Variants in NSUN7 observed in about 807,000 individuals in gnomAD.
The protein encoded by NSUN7 is protein NSUN7.
Under a neutral mutation model 58.5 loss-of-function variants are expected in NSUN7, and 39 were observed. The ratio of observed to expected loss-of-function variants is 0.67; its 90% CI spans 0.52 to 0.87. The LOEUF (loss-of-function observed/expected upper bound fraction) is 0.87. NSUN7 is among the 40% of genes least tolerant of loss of function. The pLI is 0.00. For missense variants in NSUN7, 765 were observed against 844.1 expected (o/e 0.91, Z 1.16); for synonymous variants, 278 against 303.7 (o/e 0.92, Z 0.88).
intron 9 of NSUN7, among the ~76,000 whole-genome samples, chr4:40,797,234 TG>T (rs1743359712): frequency 6.6e-6 from 1 of 152,188 alleles, no homozygotes; most frequent in Non-Finnish European, 1.5e-5. Context: ...GTCCATGCCT[TG>T]GATCTTTTTT....
At chr4:40,790,508 G>T in intron 7 of NSUN7, 94 bp from the exon 8 acceptor site, 1 of 781,778 alleles carries the variant, frequency 1.3e-6, no homozygotes, top group Non-Finnish European at 1.9e-6. Context: ...TGAGGTTGAG[G>T]ATTTTAAAAT....
At chr4:40,780,282 A>AAATCAATCAATC (rs76768481) in intron 7 of NSUN7, among the ~76,000 whole-genome samples, 1 of 150,308 alleles carries the variant, frequency 6.7e-6, no homozygotes, top group Non-Finnish European at 1.5e-5. Flanking sequence ...TCCGTCTCAT[A>AAATCAATCAATC]AATCAATCAA....
At chr4:40,753,254 A>G (rs1740925913) in intron 2 of NSUN7, among the ~76,000 whole-genome samples, 1 of 151,780 alleles carries the variant, frequency 6.6e-6, no homozygotes, top group South Asian at 2.1e-4. Context: ...CTATTTTATG[A>G]AAGATCTTGT....
chr4:40,800,440 A>G (rs987313193), intron 10 of NSUN7, among the ~76,000 whole-genome samples: 1 of 152,108 alleles, frequency 6.6e-6, no homozygotes, highest in Non-Finnish European at 1.5e-5. Context: ...CCTGGGTTCA[A>G]GCAGTTCTCT....
intron 7 of NSUN7, among the ~76,000 whole-genome samples, chr4:40,777,605 C>T (rs926613174): frequency 1.3e-5 from 2 of 152,190 alleles, no homozygotes; most frequent in Non-Finnish European, 2.9e-5. Context: ...CGTGAGCCAC[C>T]GCACCCGGCC....
chr4:40,782,001 A>AT (rs1742586924), intron 7 of NSUN7, among the ~76,000 whole-genome samples: 1 of 152,212 alleles, frequency 6.6e-6, no homozygotes, highest in African/African-American at 2.4e-5. Flanking sequence ...GTCCTAAAAT[A>AT]TATAGAGAGT....
chr4:40,795,369 T>C (rs1259477790), intron 9 of NSUN7, among the ~76,000 whole-genome samples: 1 of 152,184 alleles, frequency 6.6e-6, no homozygotes, highest in African/African-American at 2.4e-5. Context: ...TTAGTTCATA[T>C]TGCTAATAAA....
At position 40,790,908 on chromosome 4, in the gene NSUN7, A is replaced by G. The variant is rs75891120; in HGVS notation, c.1180+163A>G. 3.2e-3 allele frequency among the ~76,000 whole-genome samples: 495 copies of G among 152,344 alleles called. 3 individuals carry two copies. The highest frequency in any genetic ancestry group is 0.011 in the African/African-American group (478 of 41,580). On this transcript the variant is annotated intron_variant, in intron 8 of 11. Coordinates refer to ENST00000381782, the MANE Select transcript of NSUN7 (RefSeq NM_024677.6). ...TAAAGTCCTTTACCTCTGTTACCTC[A>G]TTTAATCCTTACACCAATCCAATAG...
intron 10 of NSUN7, among the ~76,000 whole-genome samples, chr4:40,801,171 T>C (rs1041080576): frequency 5.3e-5 from 8 of 152,174 alleles, no homozygotes; most frequent in African/African-American, 1.7e-4. Context: ...ATTCCTGAGT[T>C]GTCCCTTTGT....
At position 40,794,373 on chromosome 4, in the gene NSUN7, A is replaced by G; in HGVS notation, c.1181-2A>G. 4 of 1,574,572 alleles carry G rather than the reference A, an allele frequency of 2.5e-6. No individual in the cohort carries two copies. Among genetic ancestry groups the G allele is most frequent in the African/African-American group, 1.4e-5 (1 of 74,046 alleles). ...TTAAAAGCATTTCTTTTTAAAATTC[A>G]GATACAGAATTCCTTAAAGATCACT... On this transcript the variant is annotated splice_acceptor_variant, in intron 8 of 11. Transcript: ENST00000381782. LOFTEE classifies it high-confidence loss of function.
intron 7 of NSUN7, chr4:40,786,671 T>G: frequency 6.3e-7 from 1 of 1,580,902 alleles, no homozygotes; most frequent in Non-Finnish European, 8.6e-7. Flanking sequence ...GATATGATCA[T>G]TAAAAGAAGA....
At chr4:40,755,245 A>T (rs1053428130) in intron 2 of NSUN7, among the ~76,000 whole-genome samples, 1 of 152,114 alleles carries the variant, frequency 6.6e-6, no homozygotes, top group Non-Finnish European at 1.5e-5. Context: ...ACATGCCATC[A>T]CGCCCGGCTA....
intron 2 of NSUN7, among the ~76,000 whole-genome samples, chr4:40,754,331 G>C (rs1379841766): frequency 6.6e-6 from 1 of 152,070 alleles, no homozygotes; most frequent in Non-Finnish European, 1.5e-5. Context: ...ATTTTTAGTA[G>C]AGATGGGAGT....
At chr4:40,797,906 C>G (rs957756665) in intron 9 of NSUN7, among the ~76,000 whole-genome samples, 21 of 152,198 alleles carry the variant, frequency 1.4e-4, no homozygotes, top group Non-Finnish European at 2.6e-4. Flanking sequence ...AAACCGGCCC[C>G]TTCACTTTCC....
At chr4:40,774,462 T>G (rs910384208) in intron 5 of NSUN7, 45 bp downstream of exon 5, 2 of 1,570,422 alleles carry the variant, frequency 1.3e-6, no homozygotes, top group Non-Finnish European at 1.7e-6. Flanking sequence ...TCTCCATCCT[T>G]TTAAAATAAT....
chr4:40,798,771 T>A lies in NSUN7; in HGVS notation c.1283-16T>A, dbSNP rs1414582955. ...TAATATAGTTGTTACAGTCATTGCA[T>A]CTTCTTCTAATATAGTTACTAAAGC... On this transcript the variant is annotated splice_polypyrimidine_tract_variant and intron_variant, in intron 9 of 11. Transcript: ENST00000381782. 4.2e-6 allele frequency: 6 copies of A among 1,435,320 alleles called. No homozygotes were observed. Among genetic ancestry groups the A allele is most frequent in the Non-Finnish European group, 5.9e-6 (6 of 1,023,766 alleles). 88.9% of individuals were successfully genotyped at this position (1,435,320 alleles called of 1,614,324 possible).
In NSUN7 at chr4:40,774,773, A is replaced by G; in HGVS notation, c.648A>G (p.Glu216=). The stretch of plus-strand genomic sequence containing the variant: ...TAATGTTGTATATTTACAGCCCTGA[A>G]GAAGTTTATAATAATTTGAAGAGAA... The part of the protein sequence containing the change: ...AWINTCKISP[E]EVYNNLKRRG... Residue 216 remains glutamate, a synonymous_variant, in exon 6 of 12, where the codon GAA becomes GAG. Coordinates refer to ENST00000381782, the MANE Select transcript of NSUN7 (RefSeq NM_024677.6). 1.3e-6 allele frequency: 2 copies of G among 1,510,350 alleles called. No individual in the cohort carries two copies. The highest frequency in any genetic ancestry group is 1.8e-6 in the Non-Finnish European group (2 of 1,106,492). 93.6% of individuals were successfully genotyped at this position (1,510,350 alleles called of 1,614,324 possible).
intron 4 of NSUN7, among the ~76,000 whole-genome samples, chr4:40,774,026 G>T (rs761969556): frequency 9.9e-5 from 15 of 152,178 alleles, no homozygotes; most frequent in Non-Finnish European, 1.6e-4. Flanking sequence ...TCGAACACCT[G>T]ACCTCAGGTG....
intron 11 of NSUN7, among the ~76,000 whole-genome samples, chr4:40,807,916 T>A (rs1028030786): frequency 6.6e-6 from 1 of 150,734 alleles, no homozygotes; most frequent in Non-Finnish European, 1.5e-5. Flanking sequence ...GGCACATGCC[T>A]ATAATCCCAG....
Sources: gnomAD v4.1 joint callset for allele counts (sites outside exome capture counted in the v4.1 genomes callset) on GRCh38, gnomAD v4.1.1 for gene constraint, MANE v1.5 for transcripts, NCBI Gene and HGNC (gene_info 2026-07-23, HGNC 2026-07-21) for gene names.